SLC35G2: variants seen among roughly 807,000 people sequenced by gnomAD.
SLC35G2 encodes solute carrier family 35 member G2.
SLC35G2 carries 20 observed loss-of-function variants against 27.2 expected under a neutral mutation model. That is an observed-to-expected ratio of 0.74 (90% CI 0.52 to 1.07). SLC35G2 has a LOEUF of 1.07. Among genes scored for constraint, SLC35G2 ranks in the 50% least tolerant of loss-of-function variants. The pLI, the probability that SLC35G2 is intolerant of heterozygous loss-of-function variation, is 0.00. For synonymous variants in SLC35G2, 148 were observed against 165.3 expected, an observed-to-expected ratio of 0.90 and a Z score of 0.80; for missense variants, 416 against 493.3, an observed-to-expected ratio of 0.84 and a Z score of 1.48.
intron 1 of SLC35G2, among the ~76,000 whole-genome samples, chr3:136,830,100 ATTTCTT>A (rs1936686826): frequency 8.7e-6 from 1 of 115,256 alleles, no homozygotes; most frequent in Non-Finnish European, 1.8e-5. Context: ...GACATACATT[ATTTCTT>A]TTTTTTTTTT....
chr3:136,843,696 G>C (rs1937217753), intron 1 of SLC35G2, among the ~76,000 whole-genome samples: 1 of 152,024 alleles, frequency 6.6e-6, no homozygotes, highest in Non-Finnish European at 1.5e-5. Flanking sequence ...ACTTTGGGAG[G>C]CCAAGGCGGG....
intron 1 of SLC35G2, among the ~76,000 whole-genome samples, chr3:136,827,554 G>C (rs547465659): frequency 6.6e-6 from 1 of 152,082 alleles, no homozygotes; most frequent in Non-Finnish European, 1.5e-5. Context: ...ATTAGGTTAC[G>C]TATTTGAAGT....
At position 136,829,733 on chromosome 3, in the gene SLC35G2, T is replaced by C. The variant is rs1485168623; in HGVS notation, c.-19+10105T>C. On this transcript the variant is annotated intron_variant, in intron 1 of 1. Coordinates refer to ENST00000446465, the MANE Select transcript of SLC35G2 (RefSeq NM_025246.3). ...TTTTTCCCCCTTGGCACTTTAAATA[T>C]GTCTTGCCACTATCTCCTGGCTTGT... Among the ~76,000 whole-genome samples, 3 of 152,208 alleles carry C rather than the reference T, an allele frequency of 2.0e-5. No homozygotes were observed. The East Asian group carries it at 5.8e-4, about 29-fold the overall frequency.
chr3:136,839,602 A>T (rs1380017388), intron 1 of SLC35G2, among the ~76,000 whole-genome samples: 1 of 152,174 alleles, frequency 6.6e-6, no homozygotes, highest in Admixed American at 6.5e-5. Flanking sequence ...TGATGGTAAG[A>T]CTAAATGTTT....
intron 1 of SLC35G2, among the ~76,000 whole-genome samples, chr3:136,849,022 A>G (rs1240158079): frequency 6.6e-6 from 1 of 152,090 alleles, no homozygotes; most frequent in African/African-American, 2.4e-5. Flanking sequence ...TCTACTAAAA[A>G]TACAAAATTA....
At chr3:136,822,826 G>A (rs994343994) in intron 1 of SLC35G2, among the ~76,000 whole-genome samples, 1 of 152,144 alleles carries the variant, frequency 6.6e-6, no homozygotes, top group Non-Finnish European at 1.5e-5. Flanking sequence ...GGACACTTAC[G>A]TTGCTTCCAG....
At position 136,854,573 on chromosome 3, in the gene SLC35G2, A is replaced by G. The variant is rs201747887; in HGVS notation, c.113A>G (p.Tyr38Cys). 6.2e-7 allele frequency: 1 copy of G among 1,613,364 alleles called. No individual in the cohort carries two copies. ...TATCCCCAGCCTGGCGATGATGGAT[A>G]TGAAGAAATCAATGAAGGCTATGGA... is the stretch of plus-strand genomic sequence containing the variant. ...SHYPQPGDDG[Y>C]EEINEGYGNF... Residue 38 changes from tyrosine to cysteine, a missense_variant, in exon 2 of 2, where the codon TAT (tyrosine) becomes TGT (cysteine). Transcript: ENST00000446465.
At chr3:136,843,514 C>T (rs1937201838) in intron 1 of SLC35G2, among the ~76,000 whole-genome samples, 1 of 151,570 alleles carries the variant, frequency 6.6e-6, no homozygotes, top group Non-Finnish European at 1.5e-5. Context: ...GGTGTGGTGG[C>T]ACACACCTAT....
At chr3:136,822,975 A>C (rs1301742545) in intron 1 of SLC35G2, among the ~76,000 whole-genome samples, 1 of 152,078 alleles carries the variant, frequency 6.6e-6, no homozygotes, top group African/African-American at 2.4e-5. Flanking sequence ...TATTTTTTTG[A>C]GGCACCTCCA....
rs1477296285 is a variant in SLC35G2 at position 136,855,215 on chromosome 3, G to C, written c.755G>C (p.Trp252Ser). The C allele has an allele frequency of 6.2e-7, 1 of 1,614,046 alleles. No individual in the cohort carries two copies. Among genetic ancestry groups the C allele is most frequent in the Non-Finnish European group, 8.5e-7 (1 of 1,180,034 alleles). Reference protein sequence around the residue: ...VDEDNSLLNAWKEAFGYTMTV... With the variant: ...VDEDNSLLNASKEAFGYTMTV... The stretch of plus-strand genomic sequence containing the variant: ...GAAGACAATTCTTTGTTAAATGCCT[G>C]GAAAGAAGCCTTTGGGTACACCATG... Residue 252 changes from tryptophan (W) to serine (S), a missense_variant, in exon 2 of 2, where the codon TGG (tryptophan) becomes TCG (serine). Physicochemically the swap from Trp to Ser is radical, Grantham distance 177. Coordinates refer to ENST00000446465, the MANE Select transcript of SLC35G2 (RefSeq NM_025246.3).
chr3:136,851,621 C>A (rs770355135), intron 1 of SLC35G2, among the ~76,000 whole-genome samples: 1 of 151,196 alleles, frequency 6.6e-6, no homozygotes, highest in Non-Finnish European at 1.5e-5. Context: ...ACTGGACTGA[C>A]TGCTCAGAGC....
intron 1 of SLC35G2, among the ~76,000 whole-genome samples, chr3:136,844,776 C>T (rs1272203054): frequency 7.4e-5 from 9 of 121,106 alleles, no homozygotes; most frequent in South Asian, 2.5e-4. Flanking sequence ...CCAGCCTGGG[C>T]GACAGCAAGA....
intron 1 of SLC35G2, among the ~76,000 whole-genome samples, chr3:136,845,732 A>G (rs1004052039): frequency 1.3e-5 from 2 of 151,530 alleles, no homozygotes; most frequent in Non-Finnish European, 2.9e-5. Context: ...ATTAGGTGGG[A>G]CTATAGGTGC....
Position 136,854,640 on chromosome 3 carries a change from A to C in SLC35G2, c.180A>C (p.Glu60Asp). The C allele has an allele frequency of 6.2e-7, 1 of 1,613,656 alleles. No individual in the cohort carries two copies. The highest frequency in any genetic ancestry group is 8.5e-7 in the Non-Finnish European group (1 of 1,179,924). The part of the protein sequence containing the change: ...EENPKKGLLS[E>D]MKKKGRAFFG... ...ATCCAAAGAAAGGTCTGCTGAGTGA[A>C]ATGAAAAAAAAAGGGAGAGCTTTCT... is the stretch of plus-strand genomic sequence containing the variant. The change falls in exon 2 of 2, where the codon GAA becomes GAC. Residue 60 changes from glutamate to aspartate, a missense_variant. Glu to Asp is a conservative substitution (Grantham distance 45, BLOSUM62 2). Coordinates refer to ENST00000446465, the MANE Select transcript of SLC35G2 (RefSeq NM_025246.3).
chr3:136,836,944 A>G (rs1453187490), intron 1 of SLC35G2, among the ~76,000 whole-genome samples: 2 of 152,218 alleles, frequency 1.3e-5, no homozygotes, highest in Non-Finnish European at 2.9e-5. Flanking sequence ...CCAGAAGATC[A>G]GAAATCTGTT....
rs201846034 is a variant in SLC35G2 at position 136,855,716 on chromosome 3, G to A, written c.*17G>A. 5.8e-6 allele frequency: 9 copies of A among 1,539,210 alleles called. No homozygotes were observed. Among genetic ancestry groups the A allele is most frequent in the East Asian group, 4.7e-5 (2 of 42,992 alleles). Reference sequence around the variant, plus strand: ...ATTAAATGAATACCTGATTATTATTGTCTCATTAATGTTCAGTTATTATGT... The same window carrying A: ...ATTAAATGAATACCTGATTATTATTATCTCATTAATGTTCAGTTATTATGT... On this transcript the variant is annotated 3_prime_UTR_variant, in exon 2 of 2. Transcript: ENST00000446465.
intron 1 of SLC35G2, among the ~76,000 whole-genome samples, chr3:136,841,190 G>T (rs1168190983): frequency 6.6e-6 from 1 of 152,042 alleles, no homozygotes; most frequent in Non-Finnish European, 1.5e-5. Flanking sequence ...GGTCAGGAGT[G>T]CAGTCAGTGG....
chr3:136,830,212 G>A (rs191197609), intron 1 of SLC35G2, among the ~76,000 whole-genome samples: 1 of 141,886 alleles, frequency 7.0e-6, no homozygotes, highest in African/African-American at 2.6e-5. Context: ...AGGTTCAAGC[G>A]ATTCTCCTGC....
In SLC35G2 at chr3:136,855,706, GATT is replaced by G; in HGVS notation, c.*14_*16del. ...AGACTCTCCCATTAAATGAATACCT[GATT>G]ATTATTGTCTCATTAATGTTCAGTT... On this transcript the variant is annotated 3_prime_UTR_variant, in exon 2 of 2. Transcript: ENST00000446465. The G allele has an allele frequency of 1.3e-6, 2 of 1,565,374 alleles. No homozygotes were observed. Among genetic ancestry groups the G allele is most frequent in the Non-Finnish European group, 1.7e-6 (2 of 1,143,442 alleles).
Sources: allele counts gnomAD v4.1 joint callset (sites outside exome capture counted in the v4.1 genomes callset), GRCh38; gene constraint gnomAD v4.1.1; transcripts MANE v1.5; gene names NCBI Gene and HGNC (gene_info 2026-07-23, HGNC 2026-07-21).